Variants in CEP112 observed in about 807,000 individuals in gnomAD.
CEP112 encodes centrosomal protein of 112 kDa.
A neutral mutation model predicts 153.0 loss-of-function variants in CEP112; 127 were observed. That is an observed-to-expected ratio of 0.83 (90% CI 0.72 to 0.96). The LOEUF (loss-of-function observed/expected upper bound fraction) is 0.96. Among genes scored for constraint, CEP112 ranks in the 40% least tolerant of loss-of-function variants. The pLI, the probability that CEP112 is intolerant of heterozygous loss-of-function variation, is 0.00. For missense variants in CEP112, 1,089 were observed against 1,101.2 expected (o/e 0.99, Z 0.16); for synonymous variants, 358 against 374.4 (o/e 0.96, Z 0.51).
chr17:66,004,955 C>G (rs2064211720), intron 17 of CEP112, among the ~76,000 whole-genome samples: 1 of 152,192 alleles, frequency 6.6e-6, no homozygotes, highest in Non-Finnish European at 1.5e-5. Context: ...TCCAATTAAA[C>G]TCTTATCATT....
chr17:65,751,955 TA>T (rs2051884032), intron 21 of CEP112, among the ~76,000 whole-genome samples: 2 of 548 alleles, frequency 3.6e-3, no homozygotes, highest in Non-Finnish European at 8.2e-3. Context: ...ACAGTCCTTC[TA>T]TCTATCTATC....
At chr17:66,163,967 C>T (rs532404291) in intron 4 of CEP112, among the ~76,000 whole-genome samples, 1 of 152,272 alleles carries the variant, frequency 6.6e-6, no homozygotes, top group South Asian at 2.1e-4. Flanking sequence ...AGCTGACTTA[C>T]TGGGGGAGAA....
intron 2 of CEP112, among the ~76,000 whole-genome samples, chr17:66,179,501 GCATATAGA>G (rs1450183739): frequency 2.0e-5 from 3 of 152,016 alleles, no homozygotes; most frequent in Non-Finnish European, 4.4e-5. Flanking sequence ...TTTGCTGTTG[GCATATAGA>G]CATGTTACTG....
At chr17:66,160,042 C>G (rs1301823627) in intron 4 of CEP112, among the ~76,000 whole-genome samples, 1 of 152,088 alleles carries the variant, frequency 6.6e-6, no homozygotes, top group Admixed American at 6.6e-5. Flanking sequence ...TTCCTATACA[C>G]CAATAACAGA....
intron 8 of CEP112, among the ~76,000 whole-genome samples, chr17:66,084,871 C>T (rs879798840): frequency 3.6e-4 from 54 of 151,978 alleles, no homozygotes; most frequent in Admixed American, 8.5e-4. Context: ...CCCCATTTAC[C>T]CTGATGTGAT....
intron 4 of CEP112, among the ~76,000 whole-genome samples, chr17:66,145,527 T>G (rs1568544464): frequency 6.6e-6 from 1 of 152,124 alleles, no homozygotes; most frequent in Non-Finnish European, 1.5e-5. Context: ...GGCCTATAAC[T>G]CATTTCAGTT....
At chr17:65,660,372 T>C in intron 24 of CEP112, among the ~76,000 whole-genome samples, 1 of 119,010 alleles carries the variant, frequency 8.4e-6, no homozygotes. Context: ...CCTCCCTCCC[T>C]TCCTTCCTTC....
At chr17:65,909,474 C>T (rs901898599) in intron 19 of CEP112, among the ~76,000 whole-genome samples, 3 of 152,138 alleles carry the variant, frequency 2.0e-5, no homozygotes, top group Non-Finnish European at 2.9e-5. Flanking sequence ...TAGAGGCTAG[C>T]TAATACAATG....
At chr17:65,919,099 C>T (rs932464949) in intron 19 of CEP112, among the ~76,000 whole-genome samples, 2 of 152,192 alleles carry the variant, frequency 1.3e-5, no homozygotes, top group African/African-American at 4.8e-5. Flanking sequence ...TAGCACCCCC[C>T]TGGGGGATCT....
chr17:65,914,387 T>C (rs2060397976), intron 19 of CEP112, among the ~76,000 whole-genome samples: 1 of 151,924 alleles, frequency 6.6e-6, no homozygotes, highest in Admixed American at 6.6e-5. Context: ...TATATAGCAC[T>C]GTGTCTTTAC....
chr17:66,084,973 TA>T (rs1343620632), intron 8 of CEP112, among the ~76,000 whole-genome samples: 2 of 152,074 alleles, frequency 1.3e-5, no homozygotes, highest in Non-Finnish European at 2.9e-5. Context: ...AAATTAATTT[TA>T]AAAAGTTAAA....
chr17:66,019,151 T>C (rs896336960), intron 16 of CEP112, among the ~76,000 whole-genome samples: 77 of 152,354 alleles, frequency 5.1e-4, no homozygotes, highest in African/African-American at 1.7e-3. Context: ...CTGTTTCTTT[T>C]ACCTCAAAGA....
intron 19 of CEP112, among the ~76,000 whole-genome samples, chr17:65,909,272 T>A (rs2060194523): frequency 6.6e-6 from 1 of 152,280 alleles, no homozygotes; most frequent in South Asian, 2.1e-4. Flanking sequence ...ATATTCTACA[T>A]AGCCCTGGTG....
At chr17:65,974,207 G>A (rs1046083146) in intron 17 of CEP112, among the ~76,000 whole-genome samples, 4 of 151,896 alleles carry the variant, frequency 2.6e-5, no homozygotes, top group Non-Finnish European at 4.4e-5. Context: ...CCCCCAAGTG[G>A]CTGGGACTAC....
At chr17:65,673,807 T>C (rs2047096538) in intron 24 of CEP112, among the ~76,000 whole-genome samples, 1 of 152,110 alleles carries the variant, frequency 6.6e-6, no homozygotes, top group African/African-American at 2.4e-5. Flanking sequence ...GATAAGCAAT[T>C]CTGAATTCTG....
intron 21 of CEP112, among the ~76,000 whole-genome samples, chr17:65,823,094 A>T (rs866445026): frequency 1.3e-5 from 2 of 152,114 alleles, no homozygotes; most frequent in South Asian, 2.1e-4. Flanking sequence ...ATGGTCATGG[A>T]TCAGAAAACT....
At chr17:66,051,391 A>C (rs2066435245) in intron 12 of CEP112, among the ~76,000 whole-genome samples, 1 of 148,646 alleles carries the variant, frequency 6.7e-6, no homozygotes, top group Admixed American at 6.7e-5. Flanking sequence ...TATGTATATT[A>C]ATATATGTAT....
At chr17:66,097,573 C>A (rs2068399812) in intron 6 of CEP112, among the ~76,000 whole-genome samples, 3 of 152,146 alleles carry the variant, frequency 2.0e-5, no homozygotes, top group Admixed American at 1.3e-4. Flanking sequence ...CCTAAAGTAT[C>A]CTATGTCCAC....
At chr17:65,859,961 G>A (rs1442370843) in intron 20 of CEP112, among the ~76,000 whole-genome samples, 1 of 146,714 alleles carries the variant, frequency 6.8e-6, no homozygotes, top group Admixed American at 7.0e-5. Flanking sequence ...GTTGCAGTGA[G>A]CCAAGATTGC....
Sources: gnomAD v4.1 joint callset for allele counts (sites outside exome capture counted in the v4.1 genomes callset) on GRCh38, gnomAD v4.1.1 for gene constraint, MANE v1.5 for transcripts, NCBI Gene and HGNC (gene_info 2026-07-23, HGNC 2026-07-21) for gene names.